Variants in THADA observed in about 807,000 individuals in gnomAD.
THADA encodes the protein THADA armadillo repeat containing, also known as tRNA (32-2'-O)-methyltransferase regulator THADA.
Under a neutral mutation model 219.8 loss-of-function variants are expected in THADA, and 213 were observed. The ratio of observed to expected loss-of-function variants is 0.97; its 90% CI spans 0.87 to 1.09. THADA has a LOEUF of 1.09. Among genes scored for constraint, THADA ranks in the 50% least tolerant of loss-of-function variants. The pLI is 0.00. For synonymous variants in THADA, 1,018 were observed against 828.9 expected, an observed-to-expected ratio of 1.23 and a Z score of -3.92; for missense variants, 2,956 against 2,311.3, an observed-to-expected ratio of 1.28 and a Z score of -5.72.
At chr2:43,402,567 T>C (rs898152568) in intron 28 of THADA, among the ~76,000 whole-genome samples, 1 of 152,020 alleles carries the variant, frequency 6.6e-6, no homozygotes, top group Non-Finnish European at 1.5e-5. Context: ...TTCTGAAAGG[T>C]TTCAAAGGTA....
chr2:43,565,007 A>G (rs1698497739), intron 15 of THADA: 1 of 152,244 alleles, frequency 6.6e-6, no homozygotes, highest in African/African-American at 2.4e-5. Context: ...TGTTGGGACA[A>G]TTGGCAAAAT....
At chr2:43,447,860 T>C (rs1364146538) in intron 26 of THADA, among the ~76,000 whole-genome samples, 1 of 152,182 alleles carries the variant, frequency 6.6e-6, no homozygotes, top group Non-Finnish European at 1.5e-5. Context: ...ACTTTGGACA[T>C]ACCAAAAACC....
intron 36 of THADA, among the ~76,000 whole-genome samples, chr2:43,262,025 G>C (rs1338040804): frequency 6.6e-6 from 1 of 152,202 alleles, no homozygotes; most frequent in Non-Finnish European, 1.5e-5. Flanking sequence ...ACCCGCCTCG[G>C]CCTCTCAAAG....
intron 36 of THADA, among the ~76,000 whole-genome samples, chr2:43,235,715 A>G (rs1262961370): frequency 1.3e-5 from 2 of 152,200 alleles, no homozygotes; most frequent in African/African-American, 4.8e-5. Flanking sequence ...TGTTGAGTCC[A>G]TAAAGAACCT....
At chr2:43,377,576 T>C (rs996349026) in intron 29 of THADA, among the ~76,000 whole-genome samples, 6 of 152,160 alleles carry the variant, frequency 3.9e-5, no homozygotes, top group Non-Finnish European at 8.8e-5. Context: ...ACTGTTCTAC[T>C]CACTAGAAAG....
intron 22 of THADA, among the ~76,000 whole-genome samples, chr2:43,520,973 GAGGGAGGA>G (rs1454186998): frequency 9.8e-5 from 11 of 111,918 alleles, no homozygotes; most frequent in Admixed American, 1.7e-4. Context: ...GGGAGGAAGG[GAGGGAGGA>G]AGGGAGGAAA....
intron 21 of THADA, among the ~76,000 whole-genome samples, chr2:43,528,956 T>C (rs1693526375): frequency 6.6e-6 from 1 of 152,064 alleles, no homozygotes. Flanking sequence ...CCATACCCAT[T>C]AAAAAATAAC....
At chr2:43,468,744 A>G (rs898289484) in intron 26 of THADA, among the ~76,000 whole-genome samples, 6 of 152,198 alleles carry the variant, frequency 3.9e-5, no homozygotes, top group African/African-American at 1.4e-4. Flanking sequence ...CAAGAAAGAG[A>G]TGGCATACAG....
At chr2:43,360,012 C>T (rs989403468) in intron 29 of THADA, among the ~76,000 whole-genome samples, 1 of 151,760 alleles carries the variant, frequency 6.6e-6, no homozygotes, top group African/African-American at 2.4e-5. Context: ...TAAAAGGTAC[C>T]TTCTAACATG....
intron 28 of THADA, 97 bp downstream of exon 28, chr2:43,428,003 G>T: frequency 6.2e-6 from 3 of 480,360 alleles, no homozygotes; most frequent in Non-Finnish European, 8.7e-6. Flanking sequence ...AAATATATAT[G>T]ATATATATAA....
At chr2:43,551,998 G>A in intron 18 of THADA, 73 bp from the exon 19 acceptor site, 1 of 1,574,060 alleles carries the variant, frequency 6.4e-7, no homozygotes, top group Non-Finnish European at 8.6e-7. Context: ...TTAGATAAAA[G>A]GATTGACTTT....
At chr2:43,568,460 T>C (rs1361232064) in intron 14 of THADA, among the ~76,000 whole-genome samples, 1 of 152,120 alleles carries the variant, frequency 6.6e-6, no homozygotes, top group African/African-American at 2.4e-5. Flanking sequence ...GCCACAGGTG[T>C]ACCAGTAGGG....
intron 36 of THADA, among the ~76,000 whole-genome samples, chr2:43,274,683 A>G (rs572706000): frequency 6.6e-6 from 1 of 152,276 alleles, no homozygotes; most frequent in African/African-American, 2.4e-5. Context: ...CATATTTGGA[A>G]GGATGAGCAG....
chr2:43,513,408 C>G (rs138721663), intron 22 of THADA, among the ~76,000 whole-genome samples: 53 of 152,292 alleles, frequency 3.5e-4, no homozygotes, highest in Admixed American at 9.8e-4. Flanking sequence ...AGTGAGTGTG[C>G]TGATACCAGA....
chr2:43,248,405 T>C (rs930384247), intron 36 of THADA, among the ~76,000 whole-genome samples: 18 of 151,906 alleles, frequency 1.2e-4, no homozygotes, highest in African/African-American at 4.3e-4. Context: ...AATTTCTTTG[T>C]ATTTTTAGTA....
chr2:43,289,455 G>A (rs556987104), intron 34 of THADA, among the ~76,000 whole-genome samples: 61 of 152,222 alleles, frequency 4.0e-4, no homozygotes, highest in Admixed American at 1.4e-3. Flanking sequence ...GTTTCCCCAG[G>A]AGCGTCTTTT....
chr2:43,264,376 C>T (rs1168026924), intron 36 of THADA, among the ~76,000 whole-genome samples: 1 of 151,620 alleles, frequency 6.6e-6, no homozygotes, highest in Admixed American at 6.6e-5. Context: ...ACCTCCGCCT[C>T]TCGGGTTCAA....
At chr2:43,234,557 C>T (rs1007118836) in intron 36 of THADA, among the ~76,000 whole-genome samples, 1 of 152,190 alleles carries the variant, frequency 6.6e-6, no homozygotes, top group African/African-American at 2.4e-5. Context: ...AATACAATCT[C>T]CATTTTTACC....
chr2:43,484,785 C>T (rs1686674723), intron 26 of THADA, among the ~76,000 whole-genome samples: 2 of 151,808 alleles, frequency 1.3e-5, no homozygotes, highest in South Asian at 2.1e-4. Flanking sequence ...CCTCTTAGTA[C>T]AAGAGTTTAA....
Sources: gnomAD v4.1 joint callset for allele counts (sites outside exome capture counted in the v4.1 genomes callset) on GRCh38, gnomAD v4.1.1 for gene constraint, MANE v1.5 for transcripts, NCBI Gene and HGNC (gene_info 2026-07-23, HGNC 2026-07-21) for gene names.